POLQ: variants seen among roughly 807,000 people sequenced by gnomAD.
POLQ encodes epididymis secretory sperm binding protein.
A neutral mutation model predicts 259.2 loss-of-function variants in POLQ; 233 were observed. That is an observed-to-expected ratio of 0.90 (90% confidence interval 0.81 to 1.00). The LOEUF is 1.00. Ranked by LOEUF, POLQ falls within the 50% of genes least tolerant of loss-of-function variation. The pLI, the probability that POLQ is intolerant of heterozygous loss-of-function variation, is 0.00. For synonymous variants in POLQ, 1,025 were observed against 1,048.8 expected (o/e 0.98, Z 0.44); for missense variants, 2,871 against 3,051.6 (o/e 0.94, Z 1.39).
At position 121,481,972 on chromosome 3, in the gene POLQ, G is replaced by C. The variant is rs2047975019; in HGVS notation, c.5971-160C>G. 2.0e-5 allele frequency among the ~76,000 whole-genome samples: 3 copies of C among 152,270 alleles called. No homozygotes were observed. The South Asian group carries it at 6.2e-4, about 32-fold the overall frequency. ...CCCAGGAAAGAAGGAAAGAATAATT[G>C]TAACAGGACTCATTTTTGGTAGCAA... On this transcript the variant is annotated intron_variant, in intron 18 of 29. Transcript: ENST00000264233.
rs2048088518 is a variant in POLQ, at chr3:121,493,522, A to C, written c.2478T>G (p.Ile826Met). 2 of 1,613,906 alleles carry C rather than the reference A, an allele frequency of 1.2e-6. No homozygotes were observed. Among genetic ancestry groups the C allele is most frequent in the Non-Finnish European group, 1.7e-6 (2 of 1,179,842 alleles). ...TTTTCAGAATCACCTCCACCTCCAC[A>C]ATATTTGCTCTAGCAAGGTCTGCCA... ...HTVADLARAN[I>M]VEVEVILKNA... The change falls in exon 15 of 30, where the codon ATT becomes ATG. Residue 826 changes from isoleucine (I) to methionine (M), a missense_variant. Coordinates refer to ENST00000264233, the MANE Select transcript of POLQ (RefSeq NM_199420.4).
chr3:121,538,782 G>T (rs1344758703), intron 4 of POLQ, among the ~76,000 whole-genome samples: 2 of 152,028 alleles, frequency 1.3e-5, no homozygotes, highest in African/African-American at 2.4e-5. Flanking sequence ...GCCTATGTCT[G>T]ATTCCCACCC....
chr3:121,518,498 T>C (rs2048314397), intron 9 of POLQ, among the ~76,000 whole-genome samples: 1 of 152,196 alleles, frequency 6.6e-6, no homozygotes, highest in Admixed American at 6.5e-5. Context: ...GATCTGCATA[T>C]GTCCACAAAA....
chr3:121,483,414 G>C lies in POLQ; in HGVS notation c.5942C>G (p.Ser1981Cys). 6.3e-7 allele frequency: 1 copy of C among 1,581,924 alleles called. No individual in the cohort carries two copies. Among genetic ancestry groups the C allele is most frequent in the African/African-American group, 1.4e-5 (1 of 73,316 alleles). Residue 1981 changes from serine to cysteine, a missense_variant, in exon 18 of 30, where the codon TCC (serine) becomes TGC (cysteine). By Grantham distance (112) the Ser-to-Cys change is moderately radical (BLOSUM62 -1). Transcript: ENST00000264233. ...YKILLLSCGI[S>C]LEQSYEDPKV... ...AGGATCTTCATAACTTTGCTCCAAGGAGATGCCACAAGAAAGAAGAAGAAT... is the reference window on the plus strand; with the variant it reads ...AGGATCTTCATAACTTTGCTCCAAGCAGATGCCACAAGAAAGAAGAAGAAT...
chr3:121,486,539 G>A (rs935601787), intron 16 of POLQ, among the ~76,000 whole-genome samples: 5 of 150,018 alleles, frequency 3.3e-5, no homozygotes, highest in African/African-American at 9.8e-5. Flanking sequence ...GGCCAATAGC[G>A]AGATTCTGTC....
intron 19 of POLQ, 74 bp from the exon 20 acceptor site, chr3:121,476,807 A>T: frequency 1.0e-6 from 1 of 992,832 alleles, no homozygotes; most frequent in South Asian, 1.7e-5. Context: ...CCTAAACTAT[A>T]CAGAATTCAT....
intron 26 of POLQ, among the ~76,000 whole-genome samples, chr3:121,441,291 A>G (rs888121378): frequency 6.6e-6 from 1 of 152,212 alleles, no homozygotes; most frequent in African/African-American, 2.4e-5. Flanking sequence ...ACATGCAACA[A>G]AATACACTCG....
chr3:121,476,758 C>T (rs949912394), intron 19 of POLQ, 25 bp from the exon 20 acceptor site: 14 of 1,529,318 alleles, frequency 9.2e-6, no homozygotes, highest in Middle Eastern at 1.8e-4. Flanking sequence ...AAAATTAAAA[C>T]GTTAATTCAT....
At chr3:121,490,783 G>A (rs1205916714) in intron 15 of POLQ, among the ~76,000 whole-genome samples, 2 of 152,208 alleles carry the variant, frequency 1.3e-5, no homozygotes, top group Non-Finnish European at 2.9e-5. Context: ...GCCGGGCGCG[G>A]TAGCTCACAC....
At chr3:121,499,714 A>T (rs746263021) in intron 12 of POLQ, among the ~76,000 whole-genome samples, 1 of 152,236 alleles carries the variant, frequency 6.6e-6, no homozygotes, top group Non-Finnish European at 1.5e-5. Flanking sequence ...AAATGTCAAG[A>T]TTCAACAAAA....
At chr3:121,484,139 AC>A (rs2047992107) in intron 17 of POLQ, among the ~76,000 whole-genome samples, 1 of 152,188 alleles carries the variant, frequency 6.6e-6, no homozygotes, top group African/African-American at 2.4e-5. Context: ...CTGCAAAACA[AC>A]TGAAAATATT....
At chr3:121,522,179 G>A in intron 7 of POLQ, 30 bp from the exon 8 acceptor site, 3 of 1,522,968 alleles carry the variant, frequency 2.0e-6, no homozygotes, top group Non-Finnish European at 2.7e-6. Context: ...AACACCATTT[G>A]CTTCTAACTC....
At chr3:121,495,662 G>T (rs530510214) in intron 14 of POLQ, among the ~76,000 whole-genome samples, 68 of 139,424 alleles carry the variant, frequency 4.9e-4, no homozygotes, top group Non-Finnish European at 8.6e-4. Flanking sequence ...GGCTAACACA[G>T]TGGAACCCCA....
Position 121,489,137 on chromosome 3 carries a change from G to T in POLQ, c.3794C>A (p.Pro1265His). ...LGDDISRTVI[P>H]SEVLPSAGAF... Reference sequence around the variant, plus strand: ...TCCAGCTGATGGAAGTACTTCACTGGGTATCACAGTTCTGCTTATATCATC... The same window carrying T: ...TCCAGCTGATGGAAGTACTTCACTGTGTATCACAGTTCTGCTTATATCATC... Residue 1265 changes from proline (P) to histidine (H), a missense_variant, in exon 16 of 30, where the codon CCC becomes CAC. Transcript: ENST00000264233. The T allele has an allele frequency of 1.2e-6, 2 of 1,613,712 alleles. No individual in the cohort carries two copies. Among genetic ancestry groups the T allele is most frequent in the Non-Finnish European group, 1.7e-6 (2 of 1,179,812 alleles).
Position 121,476,662 on chromosome 3 carries a change from T to A in POLQ, c.6283A>T (p.Ser2095Cys). 2 of 1,613,586 alleles carry A rather than the reference T, an allele frequency of 1.2e-6. No individual in the cohort carries two copies. The highest frequency in any genetic ancestry group is 1.7e-6 in the Non-Finnish European group (2 of 1,179,530). Reference sequence around the variant, plus strand: ...TTCTGACTTTCACATTCTGCAGTACTAAAGCCAATTCCATTTAGTTCTAGC... The same window carrying A: ...TTCTGACTTTCACATTCTGCAGTACAAAAGCCAATTCCATTTAGTTCTAGC... ...ALLELNGIGF[S>C]TAECESQKHI... Residue 2095 changes from serine to cysteine, a missense_variant, in exon 20 of 30, where the codon AGT becomes TGT. Coordinates refer to ENST00000264233, the MANE Select transcript of POLQ (RefSeq NM_199420.4).
Position 121,496,918 on chromosome 3 carries a change from A to T in POLQ, c.2168T>A (p.Leu723His). ...TTCACTGATTAAATCTAATAGCACA[A>T]GACTGGTGAAAAACCTGGGAATAAA... is the stretch of plus-strand genomic sequence containing the variant. Reference protein sequence around the residue: ...MAIHKRFFTSLVLLDLISEVP... With the variant: ...MAIHKRFFTSHVLLDLISEVP... The change falls in exon 14 of 30, where the codon CTT becomes CAT. Residue 723 changes from leucine to histidine, a missense_variant. Transcript: ENST00000264233. The T allele has an allele frequency of 6.2e-7, 1 of 1,612,366 alleles. No homozygotes were observed. Among genetic ancestry groups the T allele is most frequent in the South Asian group, 1.1e-5 (1 of 90,350 alleles).
intron 25 of POLQ, among the ~76,000 whole-genome samples, chr3:121,456,566 A>T (rs1053515443): frequency 1.3e-5 from 2 of 152,112 alleles, no homozygotes; most frequent in African/African-American, 4.8e-5. Flanking sequence ...TACAAAAATC[A>T]CAAGCATTCT....
chr3:121,544,705 T>G, intron 2 of POLQ, 22 bp downstream of exon 2: 1 of 1,471,500 alleles, frequency 6.8e-7, no homozygotes, highest in South Asian at 1.1e-5. Context: ...AAATAGTAAT[T>G]AGTTTACATA....
At position 121,498,680 on chromosome 3, in the gene POLQ, A is replaced by G; in HGVS notation, c.1960-10T>C. 2 of 1,580,928 alleles carry G rather than the reference A, an allele frequency of 1.3e-6. No homozygotes were observed. The highest frequency in any genetic ancestry group is 1.7e-6 in the Non-Finnish European group (2 of 1,152,438). ...CAAACATAGGTGTAACCTAAAAGGA[A>G]GAAGTATTATTCATTAACTAAAACT... is the stretch of plus-strand genomic sequence containing the variant. On this transcript the variant is annotated splice_polypyrimidine_tract_variant and intron_variant, in intron 12 of 29. Transcript: ENST00000264233.
Sources: allele counts gnomAD v4.1 joint callset (sites outside exome capture counted in the v4.1 genomes callset), GRCh38; gene constraint gnomAD v4.1.1; transcripts MANE v1.5; gene names NCBI Gene and HGNC (gene_info 2026-07-23, HGNC 2026-07-21).